LPP: variants seen among roughly 807,000 people sequenced by gnomAD.
LPP encodes LIM domain containing preferred translocation partner in lipoma.
LPP carries 38 observed loss-of-function variants against 60.4 expected under a neutral mutation model. That is an observed-to-expected ratio of 0.63 (90% confidence interval 0.49 to 0.83). The LOEUF is 0.83. LPP is among the 40% of genes least tolerant of loss of function. The pLI, the probability that LPP is intolerant of heterozygous loss-of-function variation, is 0.00. For synonymous variants in LPP, 328 were observed against 290.8 expected (o/e 1.13, Z -1.30); for missense variants, 902 against 783.6 (o/e 1.15, Z -1.80).
At chr3:188,691,224 A>G (rs1246991197) in intron 7 of LPP, among the ~76,000 whole-genome samples, 1 of 152,210 alleles carries the variant, frequency 6.6e-6, no homozygotes, top group Non-Finnish European at 1.5e-5. Context: ...TCGAAAGTAG[A>G]GAAGGGATAA....
At chr3:188,192,770 AG>A (rs900585220) in intron 1 of LPP, among the ~76,000 whole-genome samples, 1 of 152,180 alleles carries the variant, frequency 6.6e-6, no homozygotes, top group East Asian at 1.9e-4. Context: ...CATGAGAAAC[AG>A]GGCCCTTTTC....
At chr3:188,479,472 T>C (rs1804155960) in intron 4 of LPP, among the ~76,000 whole-genome samples, 2 of 152,236 alleles carry the variant, frequency 1.3e-5, no homozygotes, top group African/African-American at 2.4e-5. Flanking sequence ...ACATCTGAGA[T>C]GTACGAGTCA....
At chr3:188,839,149 G>T (rs1268068281) in intron 9 of LPP, among the ~76,000 whole-genome samples, 3 of 152,152 alleles carry the variant, frequency 2.0e-5, no homozygotes, top group African/African-American at 7.2e-5. Flanking sequence ...ACATCTCTAG[G>T]AAAGAGAGAA....
At position 188,660,605 on chromosome 3, in the gene LPP, C is replaced by G. The variant is rs1376613070; in HGVS notation, c.1114-47662C>G. Among the ~76,000 whole-genome samples the G allele has an allele frequency of 2.0e-5, 3 of 151,730 alleles. No individual in the cohort carries two copies. In the East Asian group the frequency reaches 5.8e-4, roughly 29 times the overall value. ...GGCTGCAGTAGTAAGCATCATATGA[C>G]TTCTTGTCATCTCTAGTGTGAAATG... is the stretch of plus-strand genomic sequence containing the variant. On this transcript the variant is annotated intron_variant, in intron 7 of 11. Transcript: ENST00000617246.
chr3:188,799,453 T>G (rs746097927), intron 9 of LPP, among the ~76,000 whole-genome samples: 2 of 152,230 alleles, frequency 1.3e-5, no homozygotes, highest in Non-Finnish European at 1.5e-5. Flanking sequence ...ACTGCAAATG[T>G]CTCAGCTTTG....
At chr3:188,330,304 A>G (rs1392977035) in intron 2 of LPP, among the ~76,000 whole-genome samples, 2 of 152,200 alleles carry the variant, frequency 1.3e-5, no homozygotes, top group African/African-American at 4.8e-5. Context: ...GCTGCGTGTG[A>G]ACATATGTGA....
chr3:188,740,595 C>A (rs1459952680), intron 8 of LPP, among the ~76,000 whole-genome samples: 1 of 151,884 alleles, frequency 6.6e-6, no homozygotes, highest in Non-Finnish European at 1.5e-5. Flanking sequence ...ATTTCAGGCA[C>A]AATAACTGGT....
chr3:188,339,347 T>G (rs938681377), intron 2 of LPP, among the ~76,000 whole-genome samples: 7 of 152,192 alleles, frequency 4.6e-5, no homozygotes, highest in African/African-American at 1.7e-4. Context: ...CTGGTGAACT[T>G]CTTAGCTAGA....
intron 9 of LPP, among the ~76,000 whole-genome samples, chr3:188,827,739 A>G (rs1156920794): frequency 1.3e-5 from 2 of 152,158 alleles, no homozygotes; most frequent in African/African-American, 4.8e-5. Context: ...ATGTAACAGC[A>G]TTATGGGAGT....
At chr3:188,322,353 A>G (rs1010757565) in intron 2 of LPP, among the ~76,000 whole-genome samples, 2 of 152,106 alleles carry the variant, frequency 1.3e-5, no homozygotes, top group African/African-American at 4.8e-5. Flanking sequence ...TCTTCACTGC[A>G]TGCCCTGGTG....
chr3:188,845,333 C>T (rs1217905714), intron 9 of LPP, among the ~76,000 whole-genome samples: 1 of 152,170 alleles, frequency 6.6e-6, no homozygotes, highest in Non-Finnish European at 1.5e-5. Flanking sequence ...GAGCTGGAAA[C>T]CTCAGAGCAT....
intron 7 of LPP, among the ~76,000 whole-genome samples, chr3:188,698,124 C>T (rs992508195): frequency 3.3e-5 from 5 of 151,628 alleles, no homozygotes; most frequent in Middle Eastern, 3.2e-3. Context: ...CTTTTTTTCC[C>T]GACATTAGAG....
At chr3:188,735,071 A>G (rs1342683746) in intron 8 of LPP, among the ~76,000 whole-genome samples, 3 of 152,180 alleles carry the variant, frequency 2.0e-5, no homozygotes, top group African/African-American at 4.8e-5. Context: ...CAACTGATCT[A>G]TACCCAGAAC....
chr3:188,587,931 G>A (rs1837841497), intron 6 of LPP, among the ~76,000 whole-genome samples: 1 of 152,098 alleles, frequency 6.6e-6, no homozygotes, highest in Non-Finnish European at 1.5e-5. Context: ...AGTACATTGG[G>A]CTATGATATT....
intron 3 of LPP, among the ~76,000 whole-genome samples, chr3:188,357,725 C>T (rs764344405): frequency 6.6e-5 from 10 of 152,148 alleles, no homozygotes; most frequent in Non-Finnish European, 1.3e-4. Flanking sequence ...AGAAAGCATT[C>T]TGAGTATAGT....
At chr3:188,605,523 T>C (rs995447423) in intron 6 of LPP, among the ~76,000 whole-genome samples, 6 of 151,922 alleles carry the variant, frequency 3.9e-5, no homozygotes, top group African/African-American at 1.4e-4. Flanking sequence ...AAATAGACAG[T>C]TGAGGATTTG....
intron 9 of LPP, among the ~76,000 whole-genome samples, chr3:188,783,775 C>T (rs1439859124): frequency 6.6e-6 from 1 of 151,978 alleles, no homozygotes; most frequent in Non-Finnish European, 1.5e-5. Context: ...TGCCTGCTAC[C>T]AGGCCCCTAT....
chr3:188,800,925 T>C (rs904053532), intron 9 of LPP, among the ~76,000 whole-genome samples: 1 of 152,190 alleles, frequency 6.6e-6, no homozygotes, highest in South Asian at 2.1e-4. Flanking sequence ...TATTGGTAGT[T>C]ATATGAGTTT....
intron 2 of LPP, chr3:188,240,261 G>A (rs73059620): frequency 5.8e-6 from 1 of 172,814 alleles, no homozygotes; most frequent in East Asian, 1.0e-4. Context: ...AAAAAGTAGT[G>A]AGGGGGAACA....
Sources: gnomAD v4.1 joint callset for allele counts (sites outside exome capture counted in the v4.1 genomes callset) on GRCh38, gnomAD v4.1.1 for gene constraint, MANE v1.5 for transcripts, NCBI Gene and HGNC (gene_info 2026-07-23, HGNC 2026-07-21) for gene names.